Variants in KLF15 observed in about 807,000 individuals in gnomAD.
KLF15 encodes KLF transcription factor 15, also known as Krueppel-like factor 15.
A neutral mutation model predicts 24.6 loss-of-function variants in KLF15; 4 were observed. The ratio of observed to expected loss-of-function variants is 0.16; its 90% CI spans 0.08 to 0.37. The LOEUF (loss-of-function observed/expected upper bound fraction) is 0.37, where lower values mean the gene tolerates loss of function less well. Ranked by LOEUF, KLF15 falls within the 10% of genes least tolerant of loss-of-function variation. The pLI is 1.00. For missense variants in KLF15, 496 were observed against 560.6 expected, an observed-to-expected ratio of 0.88 and a Z score of 1.16; for synonymous variants, 246 against 236.3, an observed-to-expected ratio of 1.04 and a Z score of -0.37.
chr3:126,335,214 G>T, the KLF15 span, among the ~76,000 whole-genome samples: 1 of 141,144 alleles, frequency 7.1e-6, no homozygotes, highest in Non-Finnish European at 1.5e-5. Flanking sequence ...ACATCAAAAA[G>T]CTTATCCACC....
chr3:126,291,699 A>G, the KLF15 span, among the ~76,000 whole-genome samples: 1 of 152,238 alleles, frequency 6.6e-6, no homozygotes, highest in Admixed American at 6.5e-5. Flanking sequence ...GGCCGGTTGC[A>G]TCTGTGACCA....
At chr3:126,289,421 C>T in the KLF15 span, among the ~76,000 whole-genome samples, 2 of 152,140 alleles carry the variant, frequency 1.3e-5, no homozygotes, top group Non-Finnish European at 2.9e-5. Flanking sequence ...AAGTAATGTG[C>T]CAATGGTTAA....
downstream of KLF15, among the ~76,000 whole-genome samples, chr3:126,342,278 T>G (rs1213046816): frequency 1.3e-5 from 2 of 152,126 alleles, no homozygotes; most frequent in Non-Finnish European, 2.9e-5. Flanking sequence ...TTTGGTGGAC[T>G]GGATGGGGGT....
chr3:126,347,736 G>A (rs2082546411), intron 2 of KLF15, among the ~76,000 whole-genome samples: 2 of 152,204 alleles, frequency 1.3e-5, no homozygotes, highest in Non-Finnish European at 2.9e-5. Flanking sequence ...CCTGTTGAGG[G>A]TGCCAAAATC....
the KLF15 span, among the ~76,000 whole-genome samples, chr3:126,311,383 G>A: frequency 1.4e-4 from 21 of 152,336 alleles, no homozygotes; most frequent in South Asian, 6.2e-4. Context: ...GCGGGTAGAA[G>A]TTGAATCCTG....
chr3:126,300,626 C>CAG, the KLF15 span, among the ~76,000 whole-genome samples: 1 of 152,230 alleles, frequency 6.6e-6, no homozygotes, highest in Non-Finnish European at 1.5e-5. Context: ...CTCCTGCAAC[C>CAG]AGAGCCCCAG....
At chr3:126,340,148 T>G (rs2082469639), downstream of KLF15, among the ~76,000 whole-genome samples, 1 of 152,188 alleles carries the variant, frequency 6.6e-6, no homozygotes. Context: ...GTGCTTACAA[T>G]GGAAACTCCT....
rs750607442 is a variant in KLF15 at position 126,352,440 on chromosome 3, C to G, written c.483G>C (p.Glu161Asp). 6.2e-7 allele frequency: 1 copy of G among 1,613,622 alleles called. No homozygotes were observed. Among genetic ancestry groups the G allele is most frequent in the Non-Finnish European group, 8.5e-7 (1 of 1,179,998 alleles). The change falls in exon 2 of 3, where the codon GAG becomes GAC. Residue 161 changes from glutamate to aspartate, a missense_variant. Around this residue, in one of 3 missense-constraint regions of KLF15, gnomAD observed 399 missense variants for 423.1 expected, o/e 0.94. Coordinates refer to ENST00000296233, the MANE Select transcript of KLF15 (RefSeq NM_014079.4). ...NMEPGVKEVP[E>D]GNSKDLDACS... ...AGGCATCCAAGTCCTTGCTGTTGCC[C>G]TCAGGGACCTCCTTGACTCCAGGCT...
At chr3:126,297,238 C>T in the KLF15 span, among the ~76,000 whole-genome samples, 1 of 151,856 alleles carries the variant, frequency 6.6e-6, no homozygotes. Context: ...ATTTTAACAG[C>T]CTTATTCATC....
chr3:126,312,524 C>G, the KLF15 span, among the ~76,000 whole-genome samples: 1 of 152,178 alleles, frequency 6.6e-6, no homozygotes, highest in Non-Finnish European at 1.5e-5. Flanking sequence ...TGGTAAGCTT[C>G]CCTCCTGTTT....
At chr3:126,306,627 C>T in the KLF15 span, among the ~76,000 whole-genome samples, 112 of 152,330 alleles carry the variant, frequency 7.4e-4, no homozygotes, top group African/African-American at 2.5e-3. Context: ...TATACATATA[C>T]GCATGCATGT....
the KLF15 span, among the ~76,000 whole-genome samples, chr3:126,333,272 T>A: frequency 1.9e-4 from 18 of 93,330 alleles, no homozygotes; most frequent in South Asian, 3.6e-3. Context: ...ATATTCAACA[T>A]TCTTAAAGAA....
the KLF15 span, among the ~76,000 whole-genome samples, chr3:126,300,763 G>T: frequency 3.0e-4 from 46 of 152,220 alleles, no homozygotes; most frequent in Admixed American, 5.9e-4. Flanking sequence ...GACCGGGGCA[G>T]GATCAATAGA....
At chr3:126,309,154 A>G in the KLF15 span, among the ~76,000 whole-genome samples, 2 of 152,248 alleles carry the variant, frequency 1.3e-5, no homozygotes, top group Non-Finnish European at 2.9e-5. Flanking sequence ...AACTGCTTAC[A>G]TAAGGAATCT....
At chr3:126,319,158 C>T in the KLF15 span, among the ~76,000 whole-genome samples, 18 of 152,146 alleles carry the variant, frequency 1.2e-4, no homozygotes, top group African/African-American at 3.6e-4. Flanking sequence ...GATATTCCAT[C>T]GTCTCGATGT....
chr3:126,343,779 A>G lies in KLF15; in HGVS notation c.1199T>C (p.Ile400Thr). 1 of 1,612,068 alleles carries G rather than the reference A, an allele frequency of 6.2e-7. No homozygotes were observed. The highest frequency in any genetic ancestry group is 8.5e-7 in the Non-Finnish European group (1 of 1,179,916). The stretch of plus-strand genomic sequence containing the variant: ...GCTCCGCGGGAAGCGGTGCACCTTG[A>G]TGTGCTTGGAGAGGTGGTCGCTCCG... ...FARSDHLSKH[I>T]KVHRFPRSSR... is the part of the protein sequence containing the mutation. The change falls in exon 3 of 3, where the codon ATC becomes ACC. Residue 400 changes from isoleucine (I) to threonine (T), a missense_variant. Ile to Thr is a moderately conservative substitution (Grantham distance 89). Transcript: ENST00000296233.
At chr3:126,304,113 G>C in the KLF15 span, among the ~76,000 whole-genome samples, 1 of 152,172 alleles carries the variant, frequency 6.6e-6, no homozygotes, top group Non-Finnish European at 1.5e-5. Context: ...TTGTATGCCT[G>C]AAGATATTTT....
the KLF15 span, among the ~76,000 whole-genome samples, chr3:126,300,097 C>T: frequency 6.6e-6 from 1 of 152,178 alleles, no homozygotes. Context: ...GTGAATCATC[C>T]TGCTGTGTAT....
chr3:126,326,765 A>T, the KLF15 span, among the ~76,000 whole-genome samples: 2 of 152,318 alleles, frequency 1.3e-5, no homozygotes, highest in South Asian at 2.1e-4. Context: ...TACCTCAAAA[A>T]TTTTAAGTTA....
Sources: gnomAD v4.1 joint callset for allele counts (sites outside exome capture counted in the v4.1 genomes callset) on GRCh38, gnomAD v4.1.1 for gene constraint, gnomAD v4.1.1 regional missense constraint, MANE v1.5 for transcripts, NCBI Gene and HGNC (gene_info 2026-07-23, HGNC 2026-07-21) for gene names.